Variants in FSTL5 observed in about 807,000 individuals in gnomAD.
The protein encoded by FSTL5 is follistatin-related protein 5.
A neutral mutation model predicts 89.1 loss-of-function variants in FSTL5; 62 were observed. The observed-to-expected ratio is 0.70, with a 90% CI of 0.57 to 0.86. The LOEUF is 0.86. Among genes scored for constraint, FSTL5 ranks in the 40% least tolerant of loss-of-function variants. The probability of loss-of-function intolerance (pLI) is 0.00; values close to 1 mark genes in which losing one functional copy is unlikely to be tolerated. For missense variants in FSTL5, 1,057 were observed against 1,001.6 expected (o/e 1.06, Z -0.75); for synonymous variants, 383 against 346.2 (o/e 1.11, Z -1.18).
At chr4:161,676,711 C>G (rs1039781475) in intron 6 of FSTL5, among the ~76,000 whole-genome samples, 1 of 151,254 alleles carries the variant, frequency 6.6e-6, no homozygotes, top group East Asian at 1.9e-4. Context: ...AACAAACTTA[C>G]AATTATTCGC....
At chr4:161,718,178 TTAA>T (rs1337033065) in intron 6 of FSTL5, among the ~76,000 whole-genome samples, 1 of 152,204 alleles carries the variant, frequency 6.6e-6, no homozygotes, top group Non-Finnish European at 1.5e-5. Flanking sequence ...AATTTATAGC[TTAA>T]TAACTGAAAA....
chr4:161,860,841 C>T (rs947559560), intron 4 of FSTL5, among the ~76,000 whole-genome samples: 3 of 152,062 alleles, frequency 2.0e-5, no homozygotes, highest in Non-Finnish European at 4.4e-5. Flanking sequence ...CACCTCATAG[C>T]CCAAGAAATC....
At chr4:161,458,880 C>T (rs990725771) in intron 14 of FSTL5, among the ~76,000 whole-genome samples, 11 of 152,174 alleles carry the variant, frequency 7.2e-5, no homozygotes, top group African/African-American at 2.4e-4. Flanking sequence ...CTTTTGCTGT[C>T]GAATTCTCTT....
intron 5 of FSTL5, among the ~76,000 whole-genome samples, chr4:161,767,672 G>A (rs972182825): frequency 1.3e-5 from 2 of 152,210 alleles, no homozygotes; most frequent in East Asian, 1.9e-4. Context: ...CACACCTTAT[G>A]CAAATGGAAT....
chr4:161,875,115 G>A (rs1041001435), intron 4 of FSTL5, among the ~76,000 whole-genome samples: 4 of 151,862 alleles, frequency 2.6e-5, no homozygotes, highest in East Asian at 3.9e-4. Context: ...GTTTGTTCCC[G>A]TTCAGATTCT....
At chr4:162,000,555 C>T (rs1232480507) in intron 3 of FSTL5, among the ~76,000 whole-genome samples, 2 of 151,102 alleles carry the variant, frequency 1.3e-5, no homozygotes, top group Admixed American at 1.3e-4. Context: ...CCGAGATCGC[C>T]CCACGATACT....
intron 1 of FSTL5, among the ~76,000 whole-genome samples, chr4:162,151,126 A>G (rs1446491146): frequency 2.6e-5 from 4 of 152,144 alleles, no homozygotes; most frequent in African/African-American, 7.2e-5. Flanking sequence ...GAATGCTCCA[A>G]TGGAGGTATT....
intron 1 of FSTL5, among the ~76,000 whole-genome samples, chr4:162,148,342 T>C (rs72986990): frequency 0.23 from 35,353 of 151,988 alleles, 4,301 homozygotes; most frequent in Non-Finnish European, 0.26. Flanking sequence ...AAATGCACTA[T>C]TTGTGTTTTT....
intron 6 of FSTL5, among the ~76,000 whole-genome samples, chr4:161,680,252 T>C (rs1220344950): frequency 1.3e-5 from 2 of 151,860 alleles, no homozygotes; most frequent in Non-Finnish European, 3.0e-5. Flanking sequence ...AAGTGCAATG[T>C]CATATATTTT....
At chr4:161,995,913 C>A (rs1244659806) in intron 3 of FSTL5, among the ~76,000 whole-genome samples, 1 of 151,804 alleles carries the variant, frequency 6.6e-6, no homozygotes, top group Non-Finnish European at 1.5e-5. Context: ...TTGTTACTCT[C>A]CAGAAAGTAC....
rs1381038249 is a variant in FSTL5 at position 161,447,040 on chromosome 4, G to C, written c.1841+7964C>G. Reference sequence around the variant, plus strand: ...AGAGAATACTGGATCCTGTGAGATGGACAATCCTGTTTTACTGAACACTTT... The same window carrying C: ...AGAGAATACTGGATCCTGTGAGATGCACAATCCTGTTTTACTGAACACTTT... On this transcript the variant is annotated intron_variant, in intron 15 of 15. Transcript: ENST00000306100. Among the ~76,000 whole-genome samples, 4 of 152,028 alleles carry C rather than the reference G, an allele frequency of 2.6e-5. No individual in the cohort carries two copies. The South Asian group carries it at 8.3e-4, about 32-fold the overall frequency.
chr4:161,507,233 A>G (rs893392098), intron 11 of FSTL5, among the ~76,000 whole-genome samples: 1 of 151,922 alleles, frequency 6.6e-6, no homozygotes, highest in African/African-American at 2.4e-5. Context: ...ATAATCCAAA[A>G]CATATATTAT....
intron 4 of FSTL5, among the ~76,000 whole-genome samples, chr4:161,822,226 G>T (rs528071153): frequency 2.0e-5 from 3 of 152,266 alleles, no homozygotes; most frequent in African/African-American, 7.2e-5. Context: ...TAGGGGTGTT[G>T]CTTTTCCAGC....
chr4:161,800,554 C>G (rs1448955839), intron 4 of FSTL5, among the ~76,000 whole-genome samples: 1 of 151,628 alleles, frequency 6.6e-6, no homozygotes, highest in Non-Finnish European at 1.5e-5. Context: ...TCCTTTTGTT[C>G]TCAATTGAGA....
chr4:161,681,371 T>A (rs1737512885), intron 6 of FSTL5, among the ~76,000 whole-genome samples: 1 of 152,208 alleles, frequency 6.6e-6, no homozygotes, highest in South Asian at 2.1e-4. Context: ...ATTTTGTCAA[T>A]TTTTTTCTAG....
At chr4:161,950,873 A>C (rs780393575) in intron 3 of FSTL5, among the ~76,000 whole-genome samples, 5 of 152,078 alleles carry the variant, frequency 3.3e-5, no homozygotes, top group Non-Finnish European at 7.4e-5. Flanking sequence ...CTAAACAATC[A>C]TGCCAGAAAA....
chr4:161,786,909 CATATTTG>C lies in FSTL5; in HGVS notation c.410-10842_410-10836del, dbSNP rs1424665003. Among the ~76,000 whole-genome samples, 14 of 152,180 alleles carry C rather than the reference CATATTTG, an allele frequency of 9.2e-5. No homozygotes were observed. The South Asian group carries it at 1.9e-3, about 20-fold the overall frequency. ...ATTAATTTCTCAGTATTACACATTG[CATATTTG>C]ACTTTTTTTATTCGCACACTTGCAA... On this transcript the variant is annotated intron_variant, in intron 4 of 15. Transcript: ENST00000306100.
intron 3 of FSTL5, among the ~76,000 whole-genome samples, chr4:162,019,772 G>C (rs76545775): frequency 3.6e-4 from 23 of 64,102 alleles, no homozygotes; most frequent in East Asian, 2.7e-3. Context: ...CTCTTTCTCT[G>C]TGTGTGTGTG....
At chr4:161,609,023 T>A (rs1734551730) in intron 7 of FSTL5, among the ~76,000 whole-genome samples, 1 of 152,000 alleles carries the variant, frequency 6.6e-6, no homozygotes, top group Non-Finnish European at 1.5e-5. Context: ...AACCTATAAT[T>A]TTATTCTATT....
Sources: gnomAD v4.1 joint callset for allele counts (sites outside exome capture counted in the v4.1 genomes callset) on GRCh38, gnomAD v4.1.1 for gene constraint, MANE v1.5 for transcripts, NCBI Gene and HGNC (gene_info 2026-07-23, HGNC 2026-07-21) for gene names.